Variants in RANBP2 observed in about 807,000 individuals in gnomAD.
RANBP2 encodes E3 SUMO-protein ligase RanBP2.
In RANBP2, 57 loss-of-function variants were observed where a neutral mutation model predicts 303.6. The observed-to-expected ratio is 0.19, with a 90% CI of 0.15 to 0.23. The LOEUF (loss-of-function observed/expected upper bound fraction) is 0.23, where lower values mean the gene tolerates loss of function less well. RANBP2 is among the 10% of genes least tolerant of loss of function. The pLI, the probability that RANBP2 is intolerant of heterozygous loss-of-function variation, is 1.00. For missense variants in RANBP2, 3,138 were observed against 3,780.8 expected (o/e 0.83, Z 4.46); for synonymous variants, 1,167 against 1,301.5 (o/e 0.90, Z 2.23).
chr2:109,236,345 A>T, the RANBP2 span, among the ~76,000 whole-genome samples: 1 of 152,116 alleles, frequency 6.6e-6, no homozygotes. Flanking sequence ...GTGCCTCCAG[A>T]GTGTGCGAGC....
chr2:109,448,774 C>T, the RANBP2 span, among the ~76,000 whole-genome samples: 1 of 152,166 alleles, frequency 6.6e-6, no homozygotes, highest in Non-Finnish European at 1.5e-5. Flanking sequence ...GAAACCATCC[C>T]CTGCCTCAGT....
chr2:109,493,659 ATAT>A, the RANBP2 span, among the ~76,000 whole-genome samples: 4 of 151,580 alleles, frequency 2.6e-5, no homozygotes, highest in South Asian at 8.3e-4. Flanking sequence ...ATACACACAC[ATAT>A]TATACAAACA....
the RANBP2 span, among the ~76,000 whole-genome samples, chr2:109,062,404 G>C: frequency 2.6e-5 from 4 of 152,144 alleles, no homozygotes; most frequent in Non-Finnish European, 5.9e-5. Flanking sequence ...CAACCAGACC[G>C]CATTGGAGGG....
chr2:108,937,700 TGA>T, the RANBP2 span, among the ~76,000 whole-genome samples: 3 of 149,600 alleles, frequency 2.0e-5, no homozygotes, highest in South Asian at 2.1e-4. Flanking sequence ...TGTATGTGTG[TGA>T]GTGTATGTGT....
At chr2:109,423,338 G>A in the RANBP2 span, among the ~76,000 whole-genome samples, 2 of 152,124 alleles carry the variant, frequency 1.3e-5, no homozygotes, top group Admixed American at 1.3e-4. Flanking sequence ...TGTCATGGCA[G>A]GGATGACCTC....
the RANBP2 span, among the ~76,000 whole-genome samples, chr2:109,704,098 A>T: frequency 6.6e-6 from 1 of 152,126 alleles, no homozygotes; most frequent in East Asian, 1.9e-4. Context: ...TTGAAACTTG[A>T]AACTATCAGG....
At chr2:108,855,875 A>G in the RANBP2 span, among the ~76,000 whole-genome samples, 47 of 152,346 alleles carry the variant, frequency 3.1e-4, no homozygotes, top group South Asian at 1.2e-3. Context: ...TCAGTATTTC[A>G]TGGTGCTCTT....
chr2:109,601,273 G>A, the RANBP2 span, among the ~76,000 whole-genome samples: 282 of 152,352 alleles, frequency 1.9e-3, 1 homozygote, highest in South Asian at 0.022. Flanking sequence ...CCAGCCACCA[G>A]TCATCTCATT....
At chr2:108,874,677 A>C in the RANBP2 span, among the ~76,000 whole-genome samples, 2 of 152,094 alleles carry the variant, frequency 1.3e-5, no homozygotes, top group Non-Finnish European at 2.9e-5. Flanking sequence ...CATATGTTCT[A>C]TTTGGTAACA....
At chr2:109,044,295 C>T in the RANBP2 span, among the ~76,000 whole-genome samples, 4 of 152,068 alleles carry the variant, frequency 2.6e-5, no homozygotes, top group East Asian at 7.7e-4. Flanking sequence ...CCGAGGCAGG[C>T]GGATCATGAG....
chr2:108,921,215 G>A, the RANBP2 span, among the ~76,000 whole-genome samples: 2 of 152,074 alleles, frequency 1.3e-5, no homozygotes, highest in South Asian at 4.1e-4. Context: ...GGGAGGTGTG[G>A]GGCAGAGCTG....
chr2:109,230,514 A>G, the RANBP2 span, among the ~76,000 whole-genome samples: 1 of 152,194 alleles, frequency 6.6e-6, no homozygotes, highest in African/African-American at 2.4e-5. Flanking sequence ...TAGTAGGTAG[A>G]GGTTGAAGTG....
chr2:109,339,154 G>A, the RANBP2 span, among the ~76,000 whole-genome samples: 2 of 151,994 alleles, frequency 1.3e-5, no homozygotes, highest in East Asian at 2.0e-4. Flanking sequence ...CAGAGAAGAG[G>A]TAGAGGAGGT....
the RANBP2 span, among the ~76,000 whole-genome samples, chr2:108,967,936 G>A: frequency 3.0e-4 from 46 of 152,236 alleles, no homozygotes; most frequent in African/African-American, 1.0e-3. Context: ...CCGGCTTTGC[G>A]GAGCTGGAGG....
At chr2:109,283,233 C>T in the RANBP2 span, among the ~76,000 whole-genome samples, 3 of 152,188 alleles carry the variant, frequency 2.0e-5, no homozygotes, top group East Asian at 3.9e-4. Context: ...GGCAGTCTCC[C>T]GCTCTGGGTG....
At chr2:109,359,266 C>T in the RANBP2 span, among the ~76,000 whole-genome samples, 1 of 152,200 alleles carries the variant, frequency 6.6e-6, no homozygotes, top group African/African-American at 2.4e-5. Flanking sequence ...TCTCTTGCCT[C>T]TCCATATAAA....
chr2:109,224,848 C>A, the RANBP2 span, among the ~76,000 whole-genome samples: 1 of 152,086 alleles, frequency 6.6e-6, no homozygotes. Context: ...CAGAGCAAGA[C>A]TCTGTCTCAA....
the RANBP2 span, among the ~76,000 whole-genome samples, chr2:109,155,674 C>G: frequency 5.3e-5 from 8 of 152,202 alleles, no homozygotes; most frequent in African/African-American, 1.9e-4. Flanking sequence ...GTAACTCCAT[C>G]TTGAATTGTA....
the RANBP2 span, among the ~76,000 whole-genome samples, chr2:109,149,066 G>A: frequency 7.8e-4 from 118 of 152,116 alleles, 1 homozygote; most frequent in African/African-American, 2.6e-3. Context: ...TCCTTCAGAG[G>A]CTTCAATTGA....
Sources: allele counts gnomAD v4.1 joint callset (sites outside exome capture counted in the v4.1 genomes callset), GRCh38; gene constraint gnomAD v4.1.1; transcripts MANE v1.5; gene names NCBI Gene and HGNC (gene_info 2026-07-23, HGNC 2026-07-21).